Variants in CAST observed in about 807,000 individuals in gnomAD.
The protein encoded by CAST is calpastatin.
A neutral mutation model predicts 119.6 loss-of-function variants in CAST; 76 were observed. The ratio of observed to expected loss-of-function variants is 0.64; its 90% CI spans 0.53 to 0.77. CAST has a LOEUF of 0.77. CAST is among the 30% of genes least tolerant of loss of function. The pLI is 0.00. For missense variants in CAST, 953 were observed against 946.5 expected (o/e 1.01, Z -0.09); for synonymous variants, 319 against 331.6 (o/e 0.96, Z 0.41).
chr5:96,771,802 G>A (rs1772468581), intron 31 of CAST, 100 bp downstream of exon 31: 2 of 705,192 alleles, frequency 2.8e-6, no homozygotes. Context: ...AGTAATTCAT[G>A]CTCACTTTAC....
At chr5:96,459,291 G>A in the CAST span, among the ~76,000 whole-genome samples, 1 of 152,090 alleles carries the variant, frequency 6.6e-6, no homozygotes, top group South Asian at 2.1e-4. Context: ...GTGTTAAGTA[G>A]ATGACCACCC....
At chr5:96,614,732 A>G (rs17475470) in intron 1 of CAST, among the ~76,000 whole-genome samples, 1 of 139,472 alleles carries the variant, frequency 7.2e-6, no homozygotes, top group African/African-American at 3.0e-5. Flanking sequence ...CCTCTTCCTC[A>G]GTGCTTTTTT....
the CAST span, among the ~76,000 whole-genome samples, chr5:96,422,925 C>T: frequency 6.9e-6 from 1 of 144,932 alleles, no homozygotes; most frequent in Non-Finnish European, 1.5e-5. Flanking sequence ...TTTACAATGT[C>T]AGGGATATAG....
the CAST span, among the ~76,000 whole-genome samples, chr5:96,198,378 T>C: frequency 1.3e-5 from 2 of 152,292 alleles, no homozygotes; most frequent in South Asian, 4.1e-4. Context: ...ATTTCTGACT[T>C]AGGCTGTCTC....
the CAST span, among the ~76,000 whole-genome samples, chr5:96,324,322 A>T: frequency 6.6e-6 from 1 of 152,228 alleles, no homozygotes; most frequent in South Asian, 2.1e-4. Context: ...AATATTCACA[A>T]GAGACTCCAA....
chr5:96,023,746 G>T, the CAST span, among the ~76,000 whole-genome samples: 3 of 152,004 alleles, frequency 2.0e-5, no homozygotes, highest in African/African-American at 7.2e-5. Context: ...TATGAGTCAA[G>T]CTTACAGTCC....
intron 3 of CAST, among the ~76,000 whole-genome samples, chr5:96,717,551 A>C (rs1330932507): frequency 6.6e-6 from 1 of 152,242 alleles, no homozygotes; most frequent in Non-Finnish European, 1.5e-5. Flanking sequence ...CCAGAGAAGA[A>C]TTGTTACTAT....
rs1408630221 is a variant in CAST, at chr5:96,710,333, C to T, written c.211-12306C>T. On this transcript the variant is annotated intron_variant, in intron 3 of 31. Transcript: ENST00000675179. ...AGACGGTAGAAAATGGTGGTCCTTT[C>T]AATGAGCCACTACAAAGCCATCTTG... 3.3e-5 allele frequency among the ~76,000 whole-genome samples: 5 copies of T among 152,148 alleles called. No homozygotes were observed. In the East Asian group the frequency reaches 5.8e-4, roughly 18 times the overall value.
chr5:96,279,919 A>C, the CAST span, among the ~76,000 whole-genome samples: 1 of 152,240 alleles, frequency 6.6e-6, no homozygotes, highest in Non-Finnish European at 1.5e-5. Flanking sequence ...ACTAACATTC[A>C]GAATCTCCAA....
At chr5:96,325,610 G>A in the CAST span, among the ~76,000 whole-genome samples, 1 of 151,904 alleles carries the variant, frequency 6.6e-6, no homozygotes. Flanking sequence ...CTCCCAAGTA[G>A]CTGGGACTAC....
the CAST span, among the ~76,000 whole-genome samples, chr5:96,487,038 C>T: frequency 6.6e-6 from 1 of 152,218 alleles, no homozygotes; most frequent in African/African-American, 2.4e-5. Context: ...CTCCTTCCCC[C>T]CATGGGGCAG....
the CAST span, chr5:95,961,506 C>T: frequency 7.3e-7 from 1 of 1,371,360 alleles, no homozygotes. Flanking sequence ...GCCCCGCACC[C>T]GGGCGCGGCC....
the CAST span, among the ~76,000 whole-genome samples, chr5:96,475,251 G>T: frequency 1.3e-5 from 2 of 152,236 alleles, no homozygotes; most frequent in Non-Finnish European, 2.9e-5. Flanking sequence ...ATACACCTGA[G>T]ATCATGCCTT....
At chr5:96,253,751 AT>A in the CAST span, among the ~76,000 whole-genome samples, 3 of 152,088 alleles carry the variant, frequency 2.0e-5, no homozygotes, top group African/African-American at 4.8e-5. Flanking sequence ...GAGATTAAAG[AT>A]TTTTTAAATA....
chr5:96,118,730 G>C, the CAST span, among the ~76,000 whole-genome samples: 1 of 151,886 alleles, frequency 6.6e-6, no homozygotes, highest in African/African-American at 2.4e-5. Flanking sequence ...AGGAAGGTGG[G>C]CTGAGGAAGA....
chr5:96,384,290 C>A, the CAST span, among the ~76,000 whole-genome samples: 1 of 152,182 alleles, frequency 6.6e-6, no homozygotes, highest in Non-Finnish European at 1.5e-5. Context: ...AAGCACAATT[C>A]TCATCAGCAA....
intron 1 of CAST, among the ~76,000 whole-genome samples, chr5:96,673,071 G>C (rs1291492458): frequency 6.6e-6 from 1 of 152,140 alleles, no homozygotes; most frequent in Non-Finnish European, 1.5e-5. Context: ...TTTCTCTTTT[G>C]TGAAATGGAA....
At chr5:96,668,836 CA>C (rs1240276636) in intron 1 of CAST, among the ~76,000 whole-genome samples, 2 of 151,652 alleles carry the variant, frequency 1.3e-5, no homozygotes, top group Admixed American at 6.6e-5. Context: ...GGGAAGCCGT[CA>C]GGGGAGGGTG....
At chr5:96,492,239 T>A in the CAST span, among the ~76,000 whole-genome samples, 1 of 152,246 alleles carries the variant, frequency 6.6e-6, no homozygotes, top group South Asian at 2.1e-4. Context: ...TTGATTCCCT[T>A]AAAGTTTGAC....
Sources: gnomAD v4.1 joint callset for allele counts (sites outside exome capture counted in the v4.1 genomes callset) on GRCh38, gnomAD v4.1.1 for gene constraint, MANE v1.5 for transcripts, NCBI Gene and HGNC (gene_info 2026-07-23, HGNC 2026-07-21) for gene names.